PRKG1: variants seen among roughly 807,000 people sequenced by gnomAD.
PRKG1 encodes the protein protein kinase cGMP-dependent 1, also known as cGMP-dependent protein kinase 1.
PRKG1 carries 35 observed loss-of-function variants against 88.1 expected under a neutral mutation model. The observed-to-expected ratio is 0.40, with a 90% CI of 0.30 to 0.53. PRKG1 has a LOEUF of 0.53. Among genes scored for constraint, PRKG1 ranks in the 20% least tolerant of loss-of-function variants. The pLI, the probability that PRKG1 is intolerant of heterozygous loss-of-function variation, is 0.59. For synonymous variants in PRKG1, 303 were observed against 292.5 expected, an observed-to-expected ratio of 1.04 and a Z score of -0.37; for missense variants, 540 against 839.8, an observed-to-expected ratio of 0.64 and a Z score of 4.41.
intron 5 of PRKG1, among the ~76,000 whole-genome samples, chr10:51,917,619 A>T (rs1004410123): frequency 6.6e-6 from 1 of 152,314 alleles, no homozygotes; most frequent in African/African-American, 2.4e-5. Flanking sequence ...TATAGTATGA[A>T]ATTTTAAGTA....
chr10:52,025,366 A>C (rs1164083265), intron 5 of PRKG1, among the ~76,000 whole-genome samples: 1 of 151,878 alleles, frequency 6.6e-6, no homozygotes, highest in East Asian at 1.9e-4. Flanking sequence ...TTTTGTTTTC[A>C]TTGTTTTTGG....
intron 5 of PRKG1, among the ~76,000 whole-genome samples, chr10:51,923,666 A>G (rs1842510309): frequency 6.6e-6 from 1 of 151,864 alleles, no homozygotes; most frequent in Non-Finnish European, 1.5e-5. Context: ...ATAACAGAGT[A>G]TTCCTGTCCC....
intron 4 of PRKG1, among the ~76,000 whole-genome samples, chr10:51,808,076 C>T (rs980176945): frequency 3.9e-5 from 6 of 152,074 alleles, no homozygotes; most frequent in Non-Finnish European, 7.4e-5. Context: ...GCATAATAGC[C>T]TCAATGATAG....
At chr10:50,993,748 CT>C (rs755465992) in intron 1 of PRKG1, among the ~76,000 whole-genome samples, 2 of 152,250 alleles carry the variant, frequency 1.3e-5, no homozygotes, top group Non-Finnish European at 2.9e-5. Context: ...AAAAGCCCTC[CT>C]TCCCAGAGTC....
At position 51,610,829 on chromosome 10, in the gene PRKG1, G is replaced by A. The variant is rs536858095; in HGVS notation, c.592+142993G>A. 2.6e-5 allele frequency among the ~76,000 whole-genome samples: 4 copies of A among 152,216 alleles called. No homozygotes were observed. In the East Asian group the frequency reaches 7.7e-4, roughly 29 times the overall value. ...CACTGCATGTTCTCACTCATAAGTG[G>A]GAGTTGAACCATGAGAACACATGAA... On this transcript the variant is annotated intron_variant, in intron 3 of 17. Transcript: ENST00000373980.
At chr10:51,376,783 T>G (rs1230954082) in intron 2 of PRKG1, among the ~76,000 whole-genome samples, 1 of 152,178 alleles carries the variant, frequency 6.6e-6, no homozygotes, top group Non-Finnish European at 1.5e-5. Flanking sequence ...CAAGTGATTC[T>G]CCTGCCTCAG....
chr10:52,110,288 C>A (rs934937092), intron 7 of PRKG1, among the ~76,000 whole-genome samples: 3 of 151,986 alleles, frequency 2.0e-5, no homozygotes, highest in Non-Finnish European at 2.9e-5. Context: ...GCGGAGATCG[C>A]GCCACTGCAC....
intron 9 of PRKG1, among the ~76,000 whole-genome samples, chr10:52,227,835 A>G (rs1394323764): frequency 6.6e-6 from 1 of 152,164 alleles, no homozygotes; most frequent in African/African-American, 2.4e-5. Flanking sequence ...ACATGTGCCC[A>G]GTTATATTAT....
intron 2 of PRKG1, among the ~76,000 whole-genome samples, chr10:51,444,451 G>A (rs529706650): frequency 5.0e-4 from 76 of 151,896 alleles, no homozygotes; most frequent in African/African-American, 1.8e-3. Flanking sequence ...CATATGGAAC[G>A]GGTATACAGA....
chr10:51,514,385 C>T (rs1022457940), intron 3 of PRKG1, among the ~76,000 whole-genome samples: 1 of 152,034 alleles, frequency 6.6e-6, no homozygotes, highest in Non-Finnish European at 1.5e-5. Context: ...GTGTGAATGA[C>T]CTGCTTTTAA....
rs186333239 is a variant in PRKG1, at chr10:51,355,526, G to T, written c.479-112197G>T. On this transcript the variant is annotated intron_variant, in intron 2 of 17. Coordinates refer to ENST00000373980, the MANE Select transcript of PRKG1 (RefSeq NM_006258.4). The stretch of plus-strand genomic sequence containing the variant: ...AAGTTGAAACATTAACCAGAGAAAA[G>T]CTTTTATTGTTGCTTTTTCCCTTTT... 4.1e-3 allele frequency among the ~76,000 whole-genome samples: 631 copies of T among 152,098 alleles called. 6 individuals are homozygous for T. The highest frequency in any genetic ancestry group is 0.015 in the African/African-American group (616 of 41,518).
chr10:52,263,099 G>A (rs1040649914), intron 10 of PRKG1, among the ~76,000 whole-genome samples: 2 of 151,968 alleles, frequency 1.3e-5, no homozygotes, highest in African/African-American at 2.4e-5. Flanking sequence ...ATTTATTCAT[G>A]ATCCTAATTT....
At chr10:51,572,497 T>C (rs1482722731) in intron 3 of PRKG1, among the ~76,000 whole-genome samples, 1 of 151,840 alleles carries the variant, frequency 6.6e-6, no homozygotes, top group African/African-American at 2.4e-5. Flanking sequence ...GCCTTAGACA[T>C]TATCCAGGTC....
intron 3 of PRKG1, among the ~76,000 whole-genome samples, chr10:51,483,197 T>A: frequency 6.6e-6 from 1 of 152,030 alleles, no homozygotes; most frequent in East Asian, 1.9e-4. Context: ...ATTTTTTGTA[T>A]TTTTAGTAGA....
At chr10:51,066,254 AC>A (rs1843748452) in intron 1 of PRKG1, among the ~76,000 whole-genome samples, 1 of 152,098 alleles carries the variant, frequency 6.6e-6, no homozygotes, top group South Asian at 2.1e-4. Context: ...CATTTTCACA[AC>A]CTAAGCAATA....
chr10:51,906,472 A>G (rs1445769741), intron 4 of PRKG1, among the ~76,000 whole-genome samples: 1 of 152,132 alleles, frequency 6.6e-6, no homozygotes, highest in Non-Finnish European at 1.5e-5. Flanking sequence ...TAAGGTATAT[A>G]TTGGTTTGGT....
chr10:51,972,507 A>G (rs1843734738), intron 5 of PRKG1, among the ~76,000 whole-genome samples: 1 of 152,158 alleles, frequency 6.6e-6, no homozygotes, highest in South Asian at 2.1e-4. Context: ...ACCAATTTAT[A>G]CTTATAACAC....
intron 2 of PRKG1, among the ~76,000 whole-genome samples, chr10:51,260,766 G>A (rs764797529): frequency 1.7e-4 from 26 of 152,230 alleles, no homozygotes; most frequent in African/African-American, 4.8e-4. Flanking sequence ...TATAAGTACC[G>A]ACAATTTTTG....
chr10:52,130,536 A>G (rs887277345), intron 7 of PRKG1, among the ~76,000 whole-genome samples: 3 of 152,194 alleles, frequency 2.0e-5, no homozygotes, highest in Admixed American at 6.6e-5. Flanking sequence ...CTTTCTTAAT[A>G]GTCAAATGGA....
Sources: allele counts gnomAD v4.1 joint callset (sites outside exome capture counted in the v4.1 genomes callset), GRCh38; gene constraint gnomAD v4.1.1; transcripts MANE v1.5; gene names NCBI Gene and HGNC (gene_info 2026-07-23, HGNC 2026-07-21).